KDM4C: variants seen among roughly 807,000 people sequenced by gnomAD.
KDM4C encodes lysine demethylase 4C.
KDM4C carries 81 observed loss-of-function variants against 129.3 expected under a neutral mutation model. The ratio of observed to expected loss-of-function variants is 0.63; its 90% CI spans 0.52 to 0.75. KDM4C has a LOEUF of 0.75. Ranked by LOEUF, KDM4C falls within the 30% of genes least tolerant of loss-of-function variation. KDM4C has a pLI of 0.00. For synonymous variants in KDM4C, 573 were observed against 456.1 expected (o/e 1.26, Z -3.26); for missense variants, 1,457 against 1,304.0 (o/e 1.12, Z -1.81).
At position 7,082,396 on chromosome 9, in the gene KDM4C, T is replaced by C. The variant is rs142766380; in HGVS notation, c.2425-21289T>C. On this transcript the variant is annotated intron_variant, in intron 17 of 21. Coordinates refer to ENST00000381309, the MANE Select transcript of KDM4C (RefSeq NM_015061.6). ...AGCAGGCATAATACTGTGACCAAGG[T>C]AAGGCACTAGGGGTGAAGGCACCCC... Among the ~76,000 whole-genome samples the C allele has an allele frequency of 5.3e-5, 8 of 152,224 alleles. 1 individual carries two copies. The East Asian group carries it at 1.5e-3, about 29-fold the overall frequency.
chr9:7,140,691 C>T (rs754724583), intron 19 of KDM4C, among the ~76,000 whole-genome samples: 4 of 152,178 alleles, frequency 2.6e-5, no homozygotes, highest in Non-Finnish European at 5.9e-5. Context: ...TTACAGTGAG[C>T]ACCTACTACA....
intron 8 of KDM4C, among the ~76,000 whole-genome samples, chr9:6,921,436 C>G (rs1417481842): frequency 6.6e-6 from 1 of 152,148 alleles, no homozygotes; most frequent in East Asian, 1.9e-4. Context: ...GTTGCTCAGG[C>G]CAAACACTCT....
At chr9:7,040,748 G>A (rs531327616) in intron 15 of KDM4C, among the ~76,000 whole-genome samples, 5 of 151,702 alleles carry the variant, frequency 3.3e-5, no homozygotes, top group African/African-American at 1.2e-4. Flanking sequence ...CAGGTTAGAT[G>A]TCACTTGTAA....
chr9:6,919,435 C>T (rs1589107281), intron 8 of KDM4C, among the ~76,000 whole-genome samples: 1 of 151,314 alleles, frequency 6.6e-6, no homozygotes, highest in Non-Finnish European at 1.5e-5. Flanking sequence ...AAATCTTAAT[C>T]CCTCTTTCCA....
chr9:7,045,260 C>T (rs1829227004), intron 15 of KDM4C, among the ~76,000 whole-genome samples: 1 of 152,006 alleles, frequency 6.6e-6, no homozygotes, highest in African/African-American at 2.4e-5. Context: ...GGCTTCTTCT[C>T]ACTGCTACTT....
At chr9:6,796,293 AT>A (rs1176761379) in intron 2 of KDM4C, among the ~76,000 whole-genome samples, 11 of 152,124 alleles carry the variant, frequency 7.2e-5, no homozygotes, top group African/African-American at 2.7e-4. Context: ...AAAAATACAA[AT>A]TTTAGCCGGG....
chr9:6,908,552 A>G (rs754685935), intron 8 of KDM4C, among the ~76,000 whole-genome samples: 56 of 152,088 alleles, frequency 3.7e-4, no homozygotes, highest in Non-Finnish European at 6.5e-4. Context: ...TGCTCCATTT[A>G]GCCACGGAGA....
intron 19 of KDM4C, among the ~76,000 whole-genome samples, chr9:7,153,007 T>A (rs1319230858): frequency 6.6e-6 from 1 of 152,208 alleles, no homozygotes; most frequent in African/African-American, 2.4e-5. Flanking sequence ...GTGATAGAAA[T>A]ATGAGGTTTT....
At chr9:7,040,621 C>G (rs1828431351) in intron 15 of KDM4C, among the ~76,000 whole-genome samples, 1 of 151,778 alleles carries the variant, frequency 6.6e-6, no homozygotes, top group East Asian at 1.9e-4. Context: ...GAGAGTGTTT[C>G]TATTTTTCCT....
At chr9:6,732,655 C>G (rs1476289402) in intron 1 of KDM4C, among the ~76,000 whole-genome samples, 1 of 152,166 alleles carries the variant, frequency 6.6e-6, no homozygotes, top group African/African-American at 2.4e-5. Context: ...AGAAAGTACT[C>G]ACTTCCTAAA....
chr9:6,895,085 A>G (rs1328527043), intron 8 of KDM4C, among the ~76,000 whole-genome samples: 1 of 152,138 alleles, frequency 6.6e-6, no homozygotes, highest in African/African-American at 2.4e-5. Flanking sequence ...AGATTTTTTC[A>G]GTGTTATGGC....
At chr9:6,812,155 T>C (rs1831269602) in intron 3 of KDM4C, among the ~76,000 whole-genome samples, 1 of 151,556 alleles carries the variant, frequency 6.6e-6, no homozygotes, top group South Asian at 2.1e-4. Flanking sequence ...GAGAATCCCT[T>C]GAACCCAGGA....
chr9:6,811,561 A>G (rs1231253780), intron 3 of KDM4C, among the ~76,000 whole-genome samples: 1 of 152,182 alleles, frequency 6.6e-6, no homozygotes, highest in Non-Finnish European at 1.5e-5. Flanking sequence ...AAACCTAGAG[A>G]TTTCCGATAT....
At chr9:7,018,127 A>G (rs943571874) in intron 15 of KDM4C, among the ~76,000 whole-genome samples, 5 of 152,342 alleles carry the variant, frequency 3.3e-5, no homozygotes, top group Admixed American at 3.3e-4. Context: ...TGTGAACATA[A>G]TACAGTGTAC....
intron 8 of KDM4C, among the ~76,000 whole-genome samples, chr9:6,958,806 C>T (rs143826806): frequency 0.042 from 6,307 of 151,294 alleles, 181 homozygotes; most frequent in Middle Eastern, 0.1. Flanking sequence ...GTGGTTGGGA[C>T]CACAGGTGCG....
At chr9:6,755,407 G>T (rs1339673346), upstream of KDM4C, among the ~76,000 whole-genome samples, 1 of 150,912 alleles carries the variant, frequency 6.6e-6, no homozygotes, top group Non-Finnish European at 1.5e-5. Context: ...TGGGCATTAT[G>T]GCACATGCCT....
At position 6,824,807 on chromosome 9, in the gene KDM4C, G is replaced by C. The variant is rs1457483176; in HGVS notation, c.435+10062G>C. ...CCCAATTAAAAAATTAGTAGGAAGA[G>C]TCACATTATTTTACATTTTTCAAAT... On this transcript the variant is annotated intron_variant, in intron 4 of 21. Transcript: ENST00000381309. Among the ~76,000 whole-genome samples the C allele has an allele frequency of 2.0e-5, 3 of 151,960 alleles. No homozygotes were observed. The East Asian group carries it at 5.8e-4, about 29-fold the overall frequency.
At chr9:7,064,786 A>C (rs986223505) in intron 17 of KDM4C, among the ~76,000 whole-genome samples, 1 of 152,162 alleles carries the variant, frequency 6.6e-6, no homozygotes, top group South Asian at 2.1e-4. Context: ...TCTTAGGTTA[A>C]TAGTGACTGA....
intron 16 of KDM4C, among the ~76,000 whole-genome samples, 175 bp from the exon 17 acceptor site, chr9:7,048,917 G>A (rs1829779628): frequency 6.6e-6 from 1 of 152,056 alleles, no homozygotes; most frequent in Non-Finnish European, 1.5e-5. Flanking sequence ...GTGGTACTGA[G>A]TCTGTCCAGG....
Sources: gnomAD v4.1 joint callset for allele counts (sites outside exome capture counted in the v4.1 genomes callset) on GRCh38, gnomAD v4.1.1 for gene constraint, MANE v1.5 for transcripts, NCBI Gene and HGNC (gene_info 2026-07-23, HGNC 2026-07-21) for gene names.